Variants in CTNNA2 observed in about 807,000 individuals in gnomAD.
The protein encoded by CTNNA2 is catenin alpha-2.
Under a neutral mutation model 101.0 loss-of-function variants are expected in CTNNA2, and 42 were observed. The observed-to-expected ratio is 0.42, with a 90% confidence interval of 0.32 to 0.54. The LOEUF is 0.54. Ranked by LOEUF, CTNNA2 falls within the 20% of genes least tolerant of loss-of-function variation. The pLI is 0.14. For missense variants in CTNNA2, 871 were observed against 1,223.1 expected (o/e 0.71, Z 4.29); for synonymous variants, 450 against 456.4 (o/e 0.99, Z 0.18).
chr2:80,558,136 A>C (rs753504533), intron 12 of CTNNA2, among the ~76,000 whole-genome samples: 3 of 152,198 alleles, frequency 2.0e-5, no homozygotes, highest in Non-Finnish European at 4.4e-5. Flanking sequence ...TATAACTTTA[A>C]TTGAAAATAT....
At chr2:80,380,542 G>GT (rs1330649612) in intron 7 of CTNNA2, among the ~76,000 whole-genome samples, 2 of 152,168 alleles carry the variant, frequency 1.3e-5, no homozygotes, top group African/African-American at 4.8e-5. Context: ...ACTTTGTGTT[G>GT]TCATAAGAAT....
intron 2 of CTNNA2, among the ~76,000 whole-genome samples, chr2:79,200,151 A>G (rs1318142900): frequency 1.5e-4 from 23 of 152,174 alleles, no homozygotes; most frequent in Admixed American, 1.5e-3. Flanking sequence ...TGGGAGGCCA[A>G]GGAGAGTGGA....
intron 2 of CTNNA2, among the ~76,000 whole-genome samples, chr2:79,716,048 A>G (rs779588321): frequency 7.9e-5 from 12 of 151,972 alleles, no homozygotes; most frequent in Non-Finnish European, 1.6e-4. Context: ...GCATTTTCAG[A>G]CAATATCTTC....
chr2:79,849,178 A>G (rs1019958955), intron 3 of CTNNA2, among the ~76,000 whole-genome samples: 4 of 152,188 alleles, frequency 2.6e-5, no homozygotes, highest in African/African-American at 9.7e-5. Flanking sequence ...GGAAAAACCT[A>G]AAGAATGATA....
At chr2:80,147,073 C>G (rs1187597529) in intron 7 of CTNNA2, among the ~76,000 whole-genome samples, 1 of 151,862 alleles carries the variant, frequency 6.6e-6, no homozygotes, top group African/African-American at 2.4e-5. Flanking sequence ...TCAAGCGATT[C>G]TCCTGTCTCA....
rs148253122 is a variant in CTNNA2 at position 79,620,383 on chromosome 2, G to T, written c.-5-31169G>T. On this transcript the variant is annotated intron_variant, in intron 1 of 18. Coordinates refer to ENST00000402739, the MANE Select transcript of CTNNA2 (RefSeq NM_001282597.3). ...TCCTTGTCCTGCTCACTTTTAGTCTGGGAAATTCCTACATTCCTTTCAGGA... is the reference window on the plus strand; with the variant it reads ...TCCTTGTCCTGCTCACTTTTAGTCTTGGAAATTCCTACATTCCTTTCAGGA... Among the ~76,000 whole-genome samples the T allele has an allele frequency of 8.6e-3, 1,307 of 152,138 alleles. 4 individuals are homozygous for T. Among genetic ancestry groups the T allele is most frequent in the Middle Eastern group, 0.02 (6 of 294 alleles).
At chr2:79,486,644 C>G (rs1200568197) in intron 4 of CTNNA2, among the ~76,000 whole-genome samples, 2 of 152,110 alleles carry the variant, frequency 1.3e-5, no homozygotes. Flanking sequence ...CCTGAGGAAT[C>G]GCCACACTGA....
intron 1 of CTNNA2, chr2:79,649,275 A>G (rs1345232566): frequency 1.3e-5 from 2 of 154,760 alleles, no homozygotes; most frequent in Non-Finnish European, 2.9e-5. Context: ...AAGCATGCCC[A>G]TGTTATAATG....
exon 4 of CTNNA2, chr2:79,373,906 C>G (rs1446802332): frequency 1.3e-5 from 2 of 152,130 alleles, no homozygotes; most frequent in African/African-American, 4.8e-5. Context: ...AGCCAGCACT[C>G]AGGATGAGTG....
At position 80,636,996 on chromosome 2, in the gene CTNNA2, C is replaced by G. The variant is rs545211865; in HGVS notation, c.2575-10589C>G. 9.5e-4 allele frequency among the ~76,000 whole-genome samples: 145 copies of G among 152,182 alleles called. 1 individual carries two copies. Among genetic ancestry groups the G allele is most frequent in the Middle Eastern group, 3.4e-3 (1 of 292 alleles). On this transcript the variant is annotated intron_variant, in intron 18 of 18. Coordinates refer to ENST00000402739, the MANE Select transcript of CTNNA2 (RefSeq NM_001282597.3). Reference sequence around the variant, plus strand: ...CCTCATGAACTTCTCCATTCCTTATCCCTAAAACTGTAATATTCAGGCACT... The same window carrying G: ...CCTCATGAACTTCTCCATTCCTTATGCCTAAAACTGTAATATTCAGGCACT...
At chr2:79,469,257 G>A (rs368216491) in intron 4 of CTNNA2, among the ~76,000 whole-genome samples, 6 of 152,208 alleles carry the variant, frequency 3.9e-5, no homozygotes, top group South Asian at 2.1e-4. Flanking sequence ...ACACCTCTAC[G>A]CAAATAAACT....
intron 1 of CTNNA2, among the ~76,000 whole-genome samples, chr2:79,642,503 G>A (rs961380022): frequency 6.6e-6 from 1 of 152,198 alleles, no homozygotes; most frequent in African/African-American, 2.4e-5. Context: ...ATAGTGATGG[G>A]TGATACACTA....
chr2:79,718,852 G>A (rs902194148), intron 2 of CTNNA2, among the ~76,000 whole-genome samples: 4 of 150,942 alleles, frequency 2.7e-5, no homozygotes, highest in African/African-American at 4.9e-5. Context: ...TGGTGGTGGT[G>A]ATTGTTGTTT....
rs144395486 is a variant in CTNNA2, at chr2:80,317,329, T to G, written c.1057-75882T>G. Among the ~76,000 whole-genome samples the G allele has an allele frequency of 1.4e-4, 22 of 152,318 alleles. No homozygotes were observed. In the East Asian group the frequency reaches 4.2e-3, roughly 29 times the overall value. On this transcript the variant is annotated intron_variant, in intron 7 of 18. Transcript: ENST00000402739. The stretch of plus-strand genomic sequence containing the variant: ...TGTCTCAGGCACTAAATTAAAGCAC[T>G]TTAATATATTAATTCCATTTATTCA...
intron 9 of CTNNA2, among the ~76,000 whole-genome samples, chr2:80,542,907 G>A (rs991602970): frequency 1.3e-5 from 2 of 152,048 alleles, no homozygotes; most frequent in East Asian, 3.9e-4. Context: ...TTTGGACAGG[G>A]GAAGCTGCAT....
rs62140151 is a variant in CTNNA2 at position 79,757,177 on chromosome 2, T to C, written c.298+12595T>C. ...ACTTATGGAAAATTCGCAAAGATAG[T>C]ACAGAAAATTACATATACTCTACAC... On this transcript the variant is annotated intron_variant, in intron 3 of 18. Coordinates refer to ENST00000402739, the MANE Select transcript of CTNNA2 (RefSeq NM_001282597.3). Among the ~76,000 whole-genome samples, 783 of 152,278 alleles carry C rather than the reference T, an allele frequency of 5.1e-3. 5 individuals carry two copies. Among genetic ancestry groups the C allele is most frequent in the Non-Finnish European group, 8.6e-3 (583 of 68,010 alleles).
At chr2:80,614,569 A>C (rs886160833) in intron 17 of CTNNA2, among the ~76,000 whole-genome samples, 3 of 151,358 alleles carry the variant, frequency 2.0e-5, no homozygotes, top group African/African-American at 7.3e-5. Flanking sequence ...ACCCAGACAA[A>C]CCTATTTAAG....
intron 7 of CTNNA2, among the ~76,000 whole-genome samples, chr2:80,330,402 C>A (rs564997999): frequency 6.6e-6 from 1 of 152,244 alleles, no homozygotes; most frequent in African/African-American, 2.4e-5. Flanking sequence ...AGAGATTAAG[C>A]CCTGAGGAGG....
chr2:79,502,476 C>G (rs982160146), intron 4 of CTNNA2, among the ~76,000 whole-genome samples: 8 of 152,178 alleles, frequency 5.3e-5, no homozygotes, highest in African/African-American at 1.9e-4. Flanking sequence ...ACACATAACA[C>G]TCCCTTCATT....
Sources: allele counts gnomAD v4.1 joint callset (sites outside exome capture counted in the v4.1 genomes callset), GRCh38; gene constraint gnomAD v4.1.1; transcripts MANE v1.5; gene names NCBI Gene and HGNC (gene_info 2026-07-23, HGNC 2026-07-21).